The following C1QTNF7 variants were observed in gnomAD, a reference collection of about 807,000 sequenced individuals.
The protein encoded by C1QTNF7 is complement C1q tumor necrosis factor-related protein 7.
Under a neutral mutation model 19.6 loss-of-function variants are expected in C1QTNF7, and 15 were observed. The ratio of observed to expected loss-of-function variants is 0.76; its 90% CI spans 0.51 to 1.18. The LOEUF (loss-of-function observed/expected upper bound fraction) is 1.18, where lower values mean the gene tolerates loss of function less well. Ranked by LOEUF, C1QTNF7 falls within the 50% of genes most tolerant of loss-of-function variation. The probability of loss-of-function intolerance (pLI) is 0.00; values close to 1 mark genes in which losing one functional copy is unlikely to be tolerated. For synonymous variants in C1QTNF7, 142 were observed against 137.5 expected (o/e 1.03, Z -0.23); for missense variants, 324 against 359.7 (o/e 0.90, Z 0.80).
chr4:15,342,460 C>A (rs1179207878), intron 1 of C1QTNF7, among the ~76,000 whole-genome samples: 5 of 152,218 alleles, frequency 3.3e-5, no homozygotes, highest in Non-Finnish European at 1.5e-5. Flanking sequence ...GCTCTTTGAA[C>A]GTGTCCTTGA....
chr4:15,430,539 T>C (rs1210641727), intron 1 of C1QTNF7, among the ~76,000 whole-genome samples: 1 of 152,192 alleles, frequency 6.6e-6, no homozygotes, highest in African/African-American at 2.4e-5. Flanking sequence ...GGGGTACAGG[T>C]TTCTTTTTGG....
At chr4:15,376,865 TCA>T (rs1717956978) in intron 1 of C1QTNF7, among the ~76,000 whole-genome samples, 1 of 152,234 alleles carries the variant, frequency 6.6e-6, no homozygotes, top group Non-Finnish European at 1.5e-5. Context: ...TCATCCAAAG[TCA>T]CATACCTAGA....
At chr4:15,376,237 ACTGT>A (rs1480832713) in intron 1 of C1QTNF7, among the ~76,000 whole-genome samples, 3 of 152,250 alleles carry the variant, frequency 2.0e-5, no homozygotes, top group Non-Finnish European at 4.4e-5. Context: ...TTGAACACTG[ACTGT>A]CTGAGCTGTG....
intron 1 of C1QTNF7, chr4:15,374,859 C>A: frequency 5.0e-6 from 3 of 597,598 alleles, no homozygotes; most frequent in Non-Finnish European, 5.9e-6. Flanking sequence ...GTGTTTCTCT[C>A]TCTCTCTCTC....
upstream of C1QTNF7, among the ~76,000 whole-genome samples, chr4:15,426,216 G>T (rs1243356546): frequency 1.3e-5 from 2 of 152,180 alleles, no homozygotes; most frequent in African/African-American, 2.4e-5. Flanking sequence ...CCCCGTCCTT[G>T]GGGTGAGTGG....
At chr4:15,384,120 T>A (rs934459783) in intron 1 of C1QTNF7, among the ~76,000 whole-genome samples, 1 of 152,130 alleles carries the variant, frequency 6.6e-6, no homozygotes, top group Non-Finnish European at 1.5e-5. Flanking sequence ...TTTGAATAAA[T>A]TGGGGATAGT....
At chr4:15,343,339 T>G (rs1271942255) in intron 1 of C1QTNF7, among the ~76,000 whole-genome samples, 1 of 152,210 alleles carries the variant, frequency 6.6e-6, no homozygotes, top group African/African-American at 2.4e-5. Flanking sequence ...AAGATTTAAT[T>G]GAAATGTACT....
chr4:15,393,208 G>T (rs1383553729), intron 1 of C1QTNF7, among the ~76,000 whole-genome samples: 2 of 152,146 alleles, frequency 1.3e-5, no homozygotes, highest in Non-Finnish European at 1.5e-5. Flanking sequence ...CACCATGATT[G>T]TGAGGCCTCC....
chr4:15,441,568 T>C (rs1324018278), intron 2 of C1QTNF7, among the ~76,000 whole-genome samples: 1 of 152,216 alleles, frequency 6.6e-6, no homozygotes, highest in Non-Finnish European at 1.5e-5. Context: ...CCAGTACCTA[T>C]ATGTGAATAA....
intron 2 of C1QTNF7, among the ~76,000 whole-genome samples, chr4:15,436,561 A>G (rs1379363658): frequency 6.6e-6 from 1 of 152,224 alleles, no homozygotes; most frequent in Admixed American, 6.5e-5. Context: ...TACCTTTCCT[A>G]GCTCATCACT....
At chr4:15,392,383 C>T (rs779516057) in intron 1 of C1QTNF7, among the ~76,000 whole-genome samples, 1 of 152,242 alleles carries the variant, frequency 6.6e-6, no homozygotes, top group Non-Finnish European at 1.5e-5. Flanking sequence ...AAGGTACACA[C>T]ACAATGGAGT....
In C1QTNF7 at chr4:15,443,126, T is replaced by A. The variant is rs1712853815; in HGVS notation, c.*327T>A. On this transcript the variant is annotated 3_prime_UTR_variant, in exon 3 of 3. Coordinates refer to ENST00000444304, the MANE Select transcript of C1QTNF7 (RefSeq NM_031911.5). ...GGCAATAATATTGCCTTATTAAATC[T>A]TCAAAAAATATATTTTAGTCTGTTA... 5.7e-6 allele frequency: 1 copy of A among 175,892 alleles called. No homozygotes were observed. Among genetic ancestry groups the A allele is most frequent in the Admixed American group, 5.9e-5 (1 of 16,820 alleles). The allele number at this position is 175,892 out of a possible 1,614,324, so 10.9% of individuals were successfully genotyped here. A position where few individuals can be genotyped will look rare whatever the true frequency, so the allele number is the denominator to read the frequency against.
In C1QTNF7 at chr4:15,435,718, T is replaced by C. The variant is rs769735073; in HGVS notation, c.-8-18T>C. The stretch of plus-strand genomic sequence containing the variant: ...CCAACACAGAAAGTTCATTTACGTC[T>C]GTGTGTTTCTCTTCCAGAGCCAAAG... On this transcript the variant is annotated intron_variant, in intron 1 of 2. Transcript: ENST00000444304. 3 of 1,613,714 alleles carry C rather than the reference T, an allele frequency of 1.9e-6. No homozygotes were observed. Among genetic ancestry groups the C allele is most frequent in the Non-Finnish European group, 2.5e-6 (3 of 1,179,698 alleles).
At position 15,362,169 on chromosome 4, in the gene C1QTNF7, T is replaced by C. The variant is rs553475538; in HGVS notation, c.13+21962T>C. ...ATTAATGAGTTAATAATTTAAAGTG[T>C]TTAGCACAGTGCCAGCCACACAGCA... On this transcript the variant is annotated intron_variant, in intron 1 of 2. Coordinates refer to the C1QTNF7 transcript ENST00000295297. Among the ~76,000 whole-genome samples the C allele has an allele frequency of 1.5e-4, 23 of 152,292 alleles. No homozygotes were observed. In the Middle Eastern group the frequency reaches 0.017, roughly 113 times the overall value.
At chr4:15,441,487 G>T (rs1163436108) in intron 2 of C1QTNF7, among the ~76,000 whole-genome samples, 1 of 152,100 alleles carries the variant, frequency 6.6e-6, no homozygotes, top group Non-Finnish European at 1.5e-5. Flanking sequence ...GATTTGCCTG[G>T]TTCTGTCTGC....
chr4:15,386,168 C>T (rs1718329484), intron 1 of C1QTNF7, among the ~76,000 whole-genome samples: 1 of 152,180 alleles, frequency 6.6e-6, no homozygotes, highest in Admixed American at 6.5e-5. Context: ...GGGTTCTGGG[C>T]TCCTACTCAG....
intron 1 of C1QTNF7, among the ~76,000 whole-genome samples, chr4:15,429,689 G>T (rs1712222199): frequency 6.6e-6 from 1 of 152,152 alleles, no homozygotes; most frequent in African/African-American, 2.4e-5. Context: ...TAACGCTGCA[G>T]ATATGGCTAT....
At chr4:15,378,186 G>C (rs987615459) in intron 1 of C1QTNF7, among the ~76,000 whole-genome samples, 1 of 152,172 alleles carries the variant, frequency 6.6e-6, no homozygotes, top group Non-Finnish European at 1.5e-5. Context: ...GGGGCATTTA[G>C]CTCAAAGCTG....
intron 1 of C1QTNF7, among the ~76,000 whole-genome samples, chr4:15,431,300 A>AAGGCAACG (rs1016764795): frequency 2.6e-5 from 4 of 152,198 alleles, no homozygotes; most frequent in African/African-American, 9.6e-5. Flanking sequence ...ACTAAGTGAA[A>AAGGCAACG]AGGCAACGTA....
Sources: allele counts gnomAD v4.1 joint callset (sites outside exome capture counted in the v4.1 genomes callset), GRCh38; gene constraint gnomAD v4.1.1; transcripts MANE v1.5; gene names NCBI Gene and HGNC (gene_info 2026-07-23, HGNC 2026-07-21).